Variants in IL31RA observed in about 807,000 individuals in gnomAD.
IL31RA encodes interleukin-31 receptor subunit alpha.
IL31RA carries 66 observed loss-of-function variants against 83.7 expected under a neutral mutation model. The observed-to-expected ratio is 0.79, with a 90% CI of 0.65 to 0.97. The LOEUF is 0.97. Among genes scored for constraint, IL31RA ranks in the 50% least tolerant of loss-of-function variants. IL31RA has a pLI of 0.00. For missense variants in IL31RA, 798 were observed against 919.4 expected (o/e 0.87, Z 1.71); for synonymous variants, 325 against 329.0 (o/e 0.99, Z 0.13).
chr5:55,922,629 G>A lies in IL31RA; in HGVS notation c.*5509G>A. On this transcript the variant is annotated 3_prime_UTR_variant, in exon 15 of 15. Transcript: ENST00000652347. ...ATGTGCATGAGAAGTCTGTTATTAA[G>A]TAGAGTGTGAAAACATGGTTATGGT... is the stretch of plus-strand genomic sequence containing the variant. The A allele has an allele frequency of 1.8e-6, 1 of 551,438 alleles. No homozygotes were observed. Among genetic ancestry groups the A allele is most frequent in the Non-Finnish European group, 3.2e-6 (1 of 310,556 alleles). The allele number at this position is 551,438 out of a possible 1,614,324, so 34.2% of individuals were successfully genotyped here. A position where few individuals can be genotyped will look rare whatever the true frequency, so the allele number is the denominator to read the frequency against.
At chr5:55,848,023 A>G (rs991436457), upstream of IL31RA, among the ~76,000 whole-genome samples, 2 of 152,174 alleles carry the variant, frequency 1.3e-5, no homozygotes, top group Non-Finnish European at 2.9e-5. Flanking sequence ...TTGTCACATT[A>G]TATCAGGGAT....
At chr5:55,894,661 T>C (rs1748222168) in intron 6 of IL31RA, among the ~76,000 whole-genome samples, 2 of 152,202 alleles carry the variant, frequency 1.3e-5, no homozygotes, top group Admixed American at 6.5e-5. Flanking sequence ...CAATTGTACT[T>C]GGTACATTTT....
At chr5:55,902,225 A>G (rs1748866005) in intron 8 of IL31RA, 1 of 152,180 alleles carries the variant, frequency 6.6e-6, no homozygotes, top group African/African-American at 2.4e-5. Flanking sequence ...GCTAAGTTGA[A>G]TAGTTATGAC....
chr5:55,867,318 CGTGTGTGT>C (rs1243377169), intron 2 of IL31RA, among the ~76,000 whole-genome samples: 2 of 40,830 alleles, frequency 4.9e-5, no homozygotes, highest in African/African-American at 1.1e-4. Flanking sequence ...TGTGTGTGTG[CGTGTGTGT>C]GTGTGTGTGT....
intron 6 of IL31RA, among the ~76,000 whole-genome samples, chr5:55,892,180 G>C (rs10434563): frequency 6.6e-6 from 1 of 152,114 alleles, no homozygotes; most frequent in African/African-American, 2.4e-5. Context: ...TGATGGACAA[G>C]AAATTTTAAA....
intron 1 of IL31RA, among the ~76,000 whole-genome samples, chr5:55,853,016 C>T (rs2112265615): frequency 6.6e-6 from 1 of 152,324 alleles, no homozygotes; most frequent in East Asian, 1.9e-4. Flanking sequence ...TAAACTGAAG[C>T]TCTGGTTTCT....
chr5:55,889,449 G>A (rs903771692), intron 5 of IL31RA, among the ~76,000 whole-genome samples: 1 of 152,226 alleles, frequency 6.6e-6, no homozygotes, highest in African/African-American at 2.4e-5. Context: ...AAACGAAAAA[G>A]CCGAGGAGTG....
upstream of IL31RA, among the ~76,000 whole-genome samples, chr5:55,850,396 G>A (rs1745023851): frequency 6.6e-6 from 1 of 151,966 alleles, no homozygotes; most frequent in Admixed American, 6.6e-5. Flanking sequence ...TCTATCTTCT[G>A]GAAGATTTCC....
chr5:55,916,665 T>A lies in IL31RA; in HGVS notation c.1840T>A (p.Ser614Thr), dbSNP rs1395522720. 8.7e-6 allele frequency: 14 copies of A among 1,613,728 alleles called. No individual in the cohort carries two copies. Among genetic ancestry groups the A allele is most frequent in the Non-Finnish European group, 1.2e-5 (14 of 1,179,952 alleles). Residue 614 changes from serine (S) to threonine (T), a missense_variant, in exon 15 of 15, where the codon TCT (serine) becomes ACT (threonine). Coordinates refer to ENST00000652347, the MANE Select transcript of IL31RA (RefSeq NM_139017.7). ...CCAGGATAAGCTAAACCTGAAGGAG[T>A]CTGATGACTCTGTGAACACAGAAGA... ...DFKDKLNLKE[S>T]DDSVNTEDRI...
At chr5:55,867,269 G>GTA (rs776197959) in intron 2 of IL31RA, among the ~76,000 whole-genome samples, 1 of 5,730 alleles carries the variant, frequency 1.7e-4, no homozygotes, top group Non-Finnish European at 3.9e-4. Flanking sequence ...GTTTGTGTGC[G>GTA]TGTGTGTGCA....
intron 11 of IL31RA, 93 bp downstream of exon 11, chr5:55,908,504 T>G (rs764598216): frequency 9.3e-6 from 15 of 1,612,034 alleles, no homozygotes; most frequent in African/African-American, 4.0e-5. Flanking sequence ...CCCATCTCAT[T>G]GTGACTTGCA....
chr5:55,892,712 G>A (rs1748080099), intron 6 of IL31RA, among the ~76,000 whole-genome samples: 1 of 152,082 alleles, frequency 6.6e-6, no homozygotes, highest in South Asian at 2.1e-4. Context: ...TGACCTCCTG[G>A]TGCCATCGTG....
At chr5:55,885,977 C>T (rs967050705) in intron 5 of IL31RA, among the ~76,000 whole-genome samples, 3 of 152,142 alleles carry the variant, frequency 2.0e-5, no homozygotes, top group African/African-American at 7.2e-5. Flanking sequence ...ACTACAGCTG[C>T]TGGGGGATAG....
chr5:55,905,200 CAAAA>C (rs34211603), intron 8 of IL31RA, among the ~76,000 whole-genome samples: 5 of 72,582 alleles, frequency 6.9e-5, no homozygotes, highest in South Asian at 8.9e-4. Flanking sequence ...GACTCTGCCT[CAAAA>C]AAAAAAAAAA....
Position 55,906,180 on chromosome 5 carries a change from C to T in IL31RA, c.1144C>T (p.Leu382=). ...QLVVKWQSSA[L]DVNTWMIEWF... ...AGTGGTGAAGTGGCAAAGCTCTGCT[C>T]TAGACGTGAACACTTGGATGATTGA... The change falls in exon 9 of 15, where the codon CTA becomes TTA. Residue 382 remains leucine (L), a synonymous_variant. Coordinates refer to ENST00000652347, the MANE Select transcript of IL31RA (RefSeq NM_139017.7). 1.2e-6 allele frequency: 2 copies of T among 1,614,018 alleles called. No homozygotes were observed. The highest frequency in any genetic ancestry group is 1.7e-5 in the Admixed American group (1 of 60,014).
rs1749980352 is a variant in IL31RA at position 55,919,396 on chromosome 5, G to A, written c.*2276G>A. On this transcript the variant is annotated 3_prime_UTR_variant, in exon 15 of 15. Coordinates refer to ENST00000652347, the MANE Select transcript of IL31RA (RefSeq NM_139017.7). ...CAATGGCTCCTGTGAGTGGATTCCA[G>A]AGATAAGGATGTTGCCCTCTGGCCC... 3.9e-5 allele frequency among the ~76,000 whole-genome samples: 6 copies of A among 152,186 alleles called. 1 individual carries two copies. The South Asian group carries it at 1.2e-3, about 32-fold the overall frequency.
upstream of IL31RA, among the ~76,000 whole-genome samples, chr5:55,847,256 TAAATAAA>T (rs1744956049): frequency 1.6e-5 from 2 of 126,242 alleles, no homozygotes; most frequent in African/African-American, 2.9e-5. Flanking sequence ...AATAAATAAA[TAAATAAA>T]TAAATAAATA....
At chr5:55,843,572 C>G in the IL31RA span, among the ~76,000 whole-genome samples, 1 of 152,134 alleles carries the variant, frequency 6.6e-6, no homozygotes, top group African/African-American at 2.4e-5. Flanking sequence ...GTGTCAATAT[C>G]TTCACTATCA....
Position 55,872,340 on chromosome 5 carries a change from T to G in IL31RA, c.343T>G (p.Phe115Val). 7 of 1,613,134 alleles carry G rather than the reference T, an allele frequency of 4.3e-6. No individual in the cohort carries two copies. The highest frequency in any genetic ancestry group is 5.9e-6 in the Non-Finnish European group (7 of 1,179,176). Residue 115 changes from phenylalanine to valine, a missense_variant, in exon 4 of 15, where the codon TTT becomes GTT. By Grantham distance (50) the Phe-to-Val change is conservative. Transcript: ENST00000652347. ...AAGTGAAAATCGTGCTTCGTGCTCT[T>G]TTTTCCTTCCAAGAATAACGATCCC... ...STSENRASCS[F>V]FLPRITIPDN...
Sources: allele counts gnomAD v4.1 joint callset (sites outside exome capture counted in the v4.1 genomes callset), GRCh38; gene constraint gnomAD v4.1.1; transcripts MANE v1.5; gene names NCBI Gene and HGNC (gene_info 2026-07-23, HGNC 2026-07-21).